DNAH9: variants seen among roughly 807,000 people sequenced by gnomAD.
DNAH9 encodes the protein DNAH9 variant protein.
In DNAH9, 345 loss-of-function variants were observed where a neutral mutation model predicts 471.6. The ratio of observed to expected loss-of-function variants is 0.73; its 90% CI spans 0.67 to 0.80. The LOEUF (loss-of-function observed/expected upper bound fraction) is 0.80. DNAH9 is among the 30% of genes least tolerant of loss of function. DNAH9 has a pLI of 0.00. For missense variants in DNAH9, 5,407 were observed against 5,609.2 expected (o/e 0.96, Z 1.15); for synonymous variants, 2,093 against 2,123.6 (o/e 0.99, Z 0.40).
intron 50 of DNAH9, among the ~76,000 whole-genome samples, chr17:11,868,917 C>T (rs1009885173): frequency 6.6e-6 from 1 of 152,138 alleles, no homozygotes; most frequent in African/African-American, 2.4e-5. Flanking sequence ...TCCACCCTCC[C>T]ACTGCAGGAC....
intron 66 of DNAH9, among the ~76,000 whole-genome samples, chr17:11,940,266 G>A (rs1404111479): frequency 6.6e-6 from 1 of 152,180 alleles, no homozygotes; most frequent in Non-Finnish European, 1.5e-5. Context: ...CTGTGGACCT[G>A]GGTCCTTCCC....
chr17:11,789,693 C>A (rs1216326695), intron 41 of DNAH9, among the ~76,000 whole-genome samples: 1 of 151,688 alleles, frequency 6.6e-6, no homozygotes, highest in Non-Finnish European at 1.5e-5. Context: ...TTAATATTTT[C>A]TCTTTGCTTT....
At chr17:11,941,694 G>GGATA (rs58634740) in intron 66 of DNAH9, among the ~76,000 whole-genome samples, 12,147 of 148,236 alleles carry the variant, frequency 0.082, 508 homozygotes, top group African/African-American at 0.11. Flanking sequence ...GTGGATGACC[G>GGATA]GATAGATAGA....
In DNAH9 at chr17:11,762,770, G is replaced by GTTTGTTTTTTTTTTTTTTTTTTTTTT. The variant is rs1193246497; in HGVS notation, c.6996-667_6996-666insGTTTTTTTTTTTTTTTTTTTTTTTTT. Among the ~76,000 whole-genome samples the GTTTGTTTTTTTTTTTTTTTTTTTTTT allele has an allele frequency of 2.6e-4, 24 of 90,788 alleles. 2 individuals carry two copies. The highest frequency in any genetic ancestry group is 4.2e-4 in the Non-Finnish European group (19 of 45,770). 59.6% of individuals were successfully genotyped at this position (90,788 alleles called of 152,430 possible). The stretch of plus-strand genomic sequence containing the variant: ...CCTCTTTAGGTGCGTTTTTTTTTTT[G>GTTTGTTTTTTTTTTTTTTTTTTTTTT]TTTTTTTTTTTTTTTTTTTTTTTTT... On this transcript the variant is annotated intron_variant, in intron 35 of 68. Transcript: ENST00000262442.
rs75317937 is a variant in DNAH9 at position 11,787,934 on chromosome 17, A to G, written c.8061+3395A>G. Among the ~76,000 whole-genome samples, 802 of 152,270 alleles carry G rather than the reference A, an allele frequency of 5.3e-3. 7 individuals carry two copies. The highest frequency in any genetic ancestry group is 0.018 in the African/African-American group (762 of 41,548). ...CCAGTCATGTGGAACTGTAAGTCCA[A>G]TGAAACCCCTTTTCCTCCCAGTCTC... On this transcript the variant is annotated intron_variant, in intron 41 of 68. Transcript: ENST00000262442.
chr17:11,712,854 A>AT (rs138805124), intron 26 of DNAH9, among the ~76,000 whole-genome samples: 52 of 146,246 alleles, frequency 3.6e-4, no homozygotes, highest in Middle Eastern at 3.5e-3. Context: ...GTCTTTGCTC[A>AT]TTTTTTTTTT....
At chr17:11,961,595 T>C (rs1232799468) in intron 67 of DNAH9, among the ~76,000 whole-genome samples, 1 of 152,280 alleles carries the variant, frequency 6.6e-6, no homozygotes, top group South Asian at 2.1e-4. Context: ...ATTGTGTCTT[T>C]TGAAACACTG....
Position 11,669,420 on chromosome 17 carries a change from GGA to G in DNAH9, c.2985_2986del (p.Arg995SerfsTer46), listed in dbSNP as rs1480214694. On this transcript the variant is annotated frameshift_variant, in exon 17 of 69. Coordinates refer to ENST00000262442, the MANE Select transcript of DNAH9 (RefSeq NM_001372.4). LOFTEE classifies it high-confidence loss of function. ...TGGCAAACATGCGGCGCACACTCATGGAGAGAGTCCAGAGAATGATGGGCCTC... is the reference window on the plus strand; with the variant it reads ...TGGCAAACATGCGGCGCACACTCATGGAGAGTCCAGAGAATGATGGGCCTC... ...DLANMRRTLM[E>X]RVQRMMGLCC... 2 of 1,614,082 alleles carry G rather than the reference GGA, an allele frequency of 1.2e-6. No individual in the cohort carries two copies. The highest frequency in any genetic ancestry group is 1.7e-6 in the Non-Finnish European group (2 of 1,180,008).
At chr17:11,941,296 T>A (rs1487689362) in intron 66 of DNAH9, among the ~76,000 whole-genome samples, 2 of 152,166 alleles carry the variant, frequency 1.3e-5, no homozygotes, top group African/African-American at 2.4e-5. Context: ...CTCTCAGGAC[T>A]CCAGAAATGG....
chr17:11,923,740 G>A lies in DNAH9; in HGVS notation c.11750-74G>A, dbSNP rs1366377350. 7 of 1,575,506 alleles carry A rather than the reference G, an allele frequency of 4.4e-6. No individual in the cohort carries two copies. In the African/African-American group the frequency reaches 9.5e-5, roughly 21 times the overall value. On this transcript the variant is annotated intron_variant, in intron 61 of 68. Transcript: ENST00000262442. ...TGTTTGAGGGGTGATCTGAGCGTGTGCATTTCCTTATGAACATCAAACATC... is the reference window on the plus strand; with the variant it reads ...TGTTTGAGGGGTGATCTGAGCGTGTACATTTCCTTATGAACATCAAACATC...
At position 11,629,583 on chromosome 17, in the gene DNAH9, C is replaced by T. The variant is rs141702885; in HGVS notation, c.1517C>T (p.Thr506Met). 169 of 1,612,722 alleles carry T rather than the reference C, an allele frequency of 1.0e-4. No homozygotes were observed. In the East Asian group the frequency reaches 2.9e-3, roughly 27 times the overall value. The change falls in exon 7 of 69, where the codon ACG becomes ATG. Residue 506 changes from threonine (T) to methionine (M), a missense_variant and splice_region_variant. By Grantham distance (81) the Thr-to-Met change is moderately conservative. Transcript: ENST00000262442. ...TCCGACTGCCTGTACCTCCAAAGCACGGTAGGGTTGGGAAGGGCTGAATCG... is the reference window on the plus strand; with the variant it reads ...TCCGACTGCCTGTACCTCCAAAGCATGGTAGGGTTGGGAAGGGCTGAATCG... ...SSSDCLYLQS[T>M]DFENDVSEFN...
At chr17:11,964,311 C>T in intron 68 of DNAH9, among the ~76,000 whole-genome samples, 1 of 152,036 alleles carries the variant, frequency 6.6e-6, no homozygotes, top group Non-Finnish European at 1.5e-5. Flanking sequence ...CTCCAAACCA[C>T]CAAAATGAGA....
chr17:11,897,588 C>T (rs1453979580), intron 59 of DNAH9, among the ~76,000 whole-genome samples: 1 of 152,086 alleles, frequency 6.6e-6, no homozygotes, highest in African/African-American at 2.4e-5. Flanking sequence ...CTGAATGAAC[C>T]CCTTTGCAGA....
chr17:11,607,029 A>G (rs1567659577), intron 1 of DNAH9, among the ~76,000 whole-genome samples: 1 of 152,294 alleles, frequency 6.6e-6, no homozygotes, highest in East Asian at 1.9e-4. Context: ...AAGAGGAACT[A>G]TGTTGGGTGG....
chr17:11,725,853 C>T (rs1230727697), intron 27 of DNAH9, among the ~76,000 whole-genome samples: 4 of 152,078 alleles, frequency 2.6e-5, no homozygotes, highest in South Asian at 2.1e-4. Context: ...GGTGACAGAG[C>T]AAGACTCCAT....
intron 38 of DNAH9, among the ~76,000 whole-genome samples, chr17:11,771,835 A>T (rs886627732): frequency 1.2e-4 from 18 of 152,356 alleles, no homozygotes; most frequent in African/African-American, 4.3e-4. Flanking sequence ...TTTATCAAAG[A>T]CTTATCAGGA....
intron 38 of DNAH9, among the ~76,000 whole-genome samples, chr17:11,769,796 G>T (rs754434477): frequency 6.6e-6 from 1 of 152,210 alleles, no homozygotes; most frequent in Non-Finnish European, 1.5e-5. Context: ...GACACATCTG[G>T]TCTGACTCCA....
intron 35 of DNAH9, among the ~76,000 whole-genome samples, chr17:11,758,137 C>CG (rs1023353106): frequency 4.4e-4 from 67 of 152,256 alleles, no homozygotes; most frequent in Middle Eastern, 6.8e-3. Flanking sequence ...TGTGTGTTCA[C>CG]GGCCCAGATA....
intron 27 of DNAH9, among the ~76,000 whole-genome samples, chr17:11,722,449 G>A (rs2075076115): frequency 6.6e-6 from 1 of 152,208 alleles, no homozygotes; most frequent in Admixed American, 6.5e-5. Context: ...AAACCAGAGG[G>A]AATGAGGAAC....
Sources: gnomAD v4.1 joint callset for allele counts (sites outside exome capture counted in the v4.1 genomes callset) on GRCh38, gnomAD v4.1.1 for gene constraint, MANE v1.5 for transcripts, NCBI Gene and HGNC (gene_info 2026-07-23, HGNC 2026-07-21) for gene names.